The following SCNN1D variants were observed in gnomAD, a reference collection of about 807,000 sequenced individuals.
The protein encoded by SCNN1D is epithelial sodium channel subunit delta.
A neutral mutation model predicts 87.8 loss-of-function variants in SCNN1D; 104 were observed. The observed-to-expected ratio is 1.18, with a 90% CI of 1.01 to 1.39. The LOEUF is 1.39. Ranked by LOEUF, SCNN1D falls within the 40% of genes most tolerant of loss-of-function variation. SCNN1D has a pLI of 0.00. For synonymous variants in SCNN1D, 628 were observed against 481.2 expected, an observed-to-expected ratio of 1.31 and a Z score of -3.99; for missense variants, 1,324 against 1,093.9, an observed-to-expected ratio of 1.21 and a Z score of -2.97.
chr1:1,282,016 GC>G (rs1456839634), intron 3 of SCNN1D: 1 of 591,284 alleles, frequency 1.7e-6, no homozygotes, highest in African/African-American at 1.9e-5. Context: ...GGCAGGTGCG[GC>G]CCACGCACAA....
In SCNN1D at chr1:1,281,483, C is replaced by T. The variant is rs942785583; in HGVS notation, c.150C>T (p.Pro50=). 20 of 1,526,076 alleles carry T rather than the reference C, an allele frequency of 1.3e-5. No homozygotes were observed. In the African/African-American group the frequency reaches 1.5e-4, roughly 12 times the overall value. The allele number at this position is 1,526,076 out of a possible 1,614,324, so 94.5% of individuals were successfully genotyped here. A position where few individuals can be genotyped will look rare whatever the true frequency, so the allele number is the denominator to read the frequency against. ...AGCTGGGTTCGCCCCACCCCACCCC[C>T]TGCACCGGGCCAGCGAGGGGATGGC... is the stretch of plus-strand genomic sequence containing the variant. ...CRELGSPHPT[P]CTGPARGWPR... The change falls in exon 3 of 18, where the codon CCC becomes CCT. Residue 50 remains proline, a synonymous_variant. Transcript: ENST00000379116.
chr1:1,290,394 T>TCCTGCTCGCTGCCTCCCACTCTG lies in SCNN1D; in HGVS notation c.1780+7_1780+29dup. 1 of 1,605,144 alleles carries TCCTGCTCGCTGCCTCCCACTCTG rather than the reference T, an allele frequency of 6.2e-7. No homozygotes were observed. Among genetic ancestry groups the TCCTGCTCGCTGCCTCCCACTCTG allele is most frequent in the African/African-American group, 1.3e-5 (1 of 74,866 alleles). On this transcript the variant is annotated splice_region_variant and intron_variant, in intron 13 of 17. Coordinates refer to ENST00000379116, the MANE Select transcript of SCNN1D (RefSeq NM_001130413.4). ...TGCCCGGCACCCTGCCTGGGGTGAG[T>TCCTGCTCGCTGCCTCCCACTCTG]CCTGCTCGCTGCCTCCCACTCTGTC...
At position 1,290,660 on chromosome 1, in the gene SCNN1D, C is replaced by A; in HGVS notation, c.1883C>A (p.Thr628Asn). ...PCRESAFKLS[T>N]GTSRWPSAKS... ...AGGGAGTCTGCATTCAAGCTCTCCA[C>A]TGGGACCTCCAGGTGGCCTTCCGCC... Residue 628 changes from threonine to asparagine, a missense_variant, in exon 15 of 18, where the codon ACT becomes AAT. Transcript: ENST00000379116. 4 of 1,612,696 alleles carry A rather than the reference C, an allele frequency of 2.5e-6. No homozygotes were observed. The highest frequency in any genetic ancestry group is 3.4e-6 in the Non-Finnish European group (4 of 1,179,932).
rs764896324 is a variant in SCNN1D at position 1,287,317 on chromosome 1, G to A, written c.1310+18G>A. ...CAGGCCCGGTGAGTGTGGCGGGCGG[G>A]GGCCACTCCTTCCGTCCCACCCCAC... On this transcript the variant is annotated intron_variant, in intron 9 of 17. Transcript: ENST00000379116. The A allele has an allele frequency of 1.9e-6, 3 of 1,556,060 alleles. No individual in the cohort carries two copies.
chr1:1,286,702 CTG>C, intron 7 of SCNN1D, 64 bp from the exon 8 acceptor site: 1 of 1,482,504 alleles, frequency 6.7e-7, no homozygotes, highest in Non-Finnish European at 9.3e-7. Flanking sequence ...ACAGCACACA[CTG>C]GGATGCTGGG....
In SCNN1D at chr1:1,287,734, C is replaced by T. The variant is rs372413037; in HGVS notation, c.1461C>T (p.Ala487=). 7.8e-4 allele frequency: 1,256 copies of T among 1,608,376 alleles called. 2 individuals are homozygous for T. The highest frequency in any genetic ancestry group is 1.3e-3 in the Admixed American group (80 of 59,440). Residue 487 remains alanine (A), a synonymous_variant, in exon 11 of 18, where the codon GCC becomes GCT. Coordinates refer to ENST00000379116, the MANE Select transcript of SCNN1D (RefSeq NM_001130413.4). The part of the protein sequence containing the change: ...QPHLPLLSTL[A]GIRVMVHGRN... ...ACCTCCCTCTGCTGTCCACGCTGGC[C>T]GGCATCAGGGTCATGGTTCACGGCC...
chr1:1,285,385 C>T (rs72896205), intron 5 of SCNN1D, among the ~76,000 whole-genome samples, 186 bp from the exon 6 acceptor site: 3,414 of 152,312 alleles, frequency 0.022, 118 homozygotes, highest in African/African-American at 0.078. Context: ...GCCACAGTGC[C>T]GAGCGGTGTC....
At chr1:1,285,016 C>T (rs550414418) in intron 5 of SCNN1D, among the ~76,000 whole-genome samples, 8 of 152,352 alleles carry the variant, frequency 5.3e-5, no homozygotes, top group African/African-American at 1.7e-4. Flanking sequence ...CACAAAGACC[C>T]TTCCGAGCCT....
At chr1:1,284,574 CG>C (rs1329121061) in intron 5 of SCNN1D, among the ~76,000 whole-genome samples, 1 of 138,528 alleles carries the variant, frequency 7.2e-6, no homozygotes, top group Non-Finnish European at 1.6e-5. Context: ...TGCTGGACCA[CG>C]GGGGGTGCCG....
rs751894159 is a variant in SCNN1D, at chr1:1,291,086, C to A, written c.1998C>A (p.Asn666Lys). ...CCAGGAGCAGCCTGGCCAAAATCAA[C>A]ATCGTCTACCAGGAGCTCAACTACC... Reference protein sequence around the residue: ...HRQRSSLAKINIVYQELNYRS... With the variant: ...HRQRSSLAKIKIVYQELNYRS... The change falls in exon 17 of 18, where the codon AAC becomes AAA. Residue 666 changes from asparagine to lysine, a missense_variant. Physicochemically the swap from Asn to Lys is moderately conservative, Grantham distance 94. Transcript: ENST00000379116. 3 of 1,612,250 alleles carry A rather than the reference C, an allele frequency of 1.9e-6. No individual in the cohort carries two copies. The highest frequency in any genetic ancestry group is 2.5e-6 in the Non-Finnish European group (3 of 1,179,772).
At chr1:1,288,457 C>CCCCGTGTCTCTGCTCCGT (rs1640680412) in intron 12 of SCNN1D, among the ~76,000 whole-genome samples, 1 of 28,192 alleles carries the variant, frequency 3.5e-5, no homozygotes, top group African/African-American at 2.4e-4. Context: ...CTGCTCCGTC[C>CCCCGTGTCTCTGCTCCGT]CCCGTGTCTC....
rs868589284 is a variant in SCNN1D at position 1,290,027 on chromosome 1, T to C, written c.1663-244T>C. Among the ~76,000 whole-genome samples, 403 of 65,998 alleles carry C rather than the reference T, an allele frequency of 6.1e-3. 1 individual carries two copies. Among genetic ancestry groups the C allele is most frequent in the Middle Eastern group, 0.015 (1 of 68 alleles). The allele number at this position is 65,998 out of a possible 152,430, so 43.3% of individuals were successfully genotyped here. A position where few individuals can be genotyped will look rare whatever the true frequency, so the allele number is the denominator to read the frequency against. On this transcript the variant is annotated intron_variant, in intron 12 of 17. Transcript: ENST00000379116. ...CCGTGTCCCTGCTCCGTCCCGTGTC[T>C]CTGCTCCGTCCCGTGTCCCTGCTCC...
At chr1:1,285,346 C>T (rs919482799) in intron 5 of SCNN1D, among the ~76,000 whole-genome samples, 3 of 152,190 alleles carry the variant, frequency 2.0e-5, no homozygotes, top group Admixed American at 6.5e-5. Context: ...CAGCTGGCCC[C>T]GGTACTCAGC....
At chr1:1,281,006 C>T (rs1640458898) in intron 1 of SCNN1D, 2 of 594,522 alleles carry the variant, frequency 3.4e-6, no homozygotes, top group South Asian at 4.1e-5. Context: ...TGTTCACCTG[C>T]CTGGGTGCAG....
Position 1,291,286 on chromosome 1 carries a change from C to CG in SCNN1D, c.2085_2086insG (p.Cys696ValfsTer70). 6.4e-7 allele frequency: 1 copy of CG among 1,570,896 alleles called. No individual in the cohort carries two copies. Among genetic ancestry groups the CG allele is most frequent in the East Asian group, 2.3e-5 (1 of 43,924 alleles). On this transcript the variant is annotated frameshift_variant, in exon 18 of 18. Transcript: ENST00000379116. LOFTEE classifies it low-confidence loss of function (END_TRUNC). ...AGCTGCTCTCGGCCATGGGCAGCCT[C>CG]TGCAGCCTGTGGTTTGGGGCCTCCG...
At chr1:1,282,815 C>G (rs947765722) in intron 4 of SCNN1D, among the ~76,000 whole-genome samples, 12 of 151,318 alleles carry the variant, frequency 7.9e-5, no homozygotes, top group Non-Finnish European at 1.8e-4. Flanking sequence ...TGCAGTGGCA[C>G]GATCTCGGCT....
At chr1:1,288,097 G>T in intron 12 of SCNN1D, 60 bp downstream of exon 12, 3 of 1,203,252 alleles carry the variant, frequency 2.5e-6, no homozygotes, top group East Asian at 2.7e-5. Flanking sequence ...CAGGGGGTGT[G>T]GGCGGGTGGA....
At position 1,286,666 on chromosome 1, in the gene SCNN1D, C is replaced by T. The variant is rs149099678; in HGVS notation, c.912-102C>T. The T allele has an allele frequency of 8.6e-4, 999 of 1,155,874 alleles. 5 individuals are homozygous for T. The African/African-American group carries it at 0.014, about 16-fold the overall frequency. 71.6% of individuals were successfully genotyped at this position (1,155,874 alleles called of 1,614,324 possible). ...GTCCAGCTCACCCCACTGGGCGTCC[C>T]GAGTAGGGGAGGCACTGCTGTCCCG... On this transcript the variant is annotated intron_variant, in intron 7 of 17. Transcript: ENST00000379116.
chr1:1,287,938 G>A lies in SCNN1D; in HGVS notation c.1564-1G>A. ...CATGGAACTGAAGCGTCCCCTCCCA[G>A]GACGAGGTGCACCGGCTCGGGAGCC... On this transcript the variant is annotated splice_acceptor_variant, in intron 11 of 17. Coordinates refer to ENST00000379116, the MANE Select transcript of SCNN1D (RefSeq NM_001130413.4). LOFTEE classifies it high-confidence loss of function. The A allele has an allele frequency of 6.5e-7, 1 of 1,541,894 alleles. No homozygotes were observed. Among genetic ancestry groups the A allele is most frequent in the Non-Finnish European group, 8.8e-7 (1 of 1,141,476 alleles).
Sources: gnomAD v4.1 joint callset for allele counts (sites outside exome capture counted in the v4.1 genomes callset) on GRCh38, gnomAD v4.1.1 for gene constraint, MANE v1.5 for transcripts, NCBI Gene and HGNC (gene_info 2026-07-23, HGNC 2026-07-21) for gene names.